The following RAD54L2 variants were observed in gnomAD, a reference collection of about 807,000 sequenced individuals.
RAD54L2 encodes RAD54 like 2.
A neutral mutation model predicts 138.4 loss-of-function variants in RAD54L2; 27 were observed. The ratio of observed to expected loss-of-function variants is 0.20; its 90% CI spans 0.14 to 0.27. The LOEUF (loss-of-function observed/expected upper bound fraction) is 0.27. RAD54L2 is among the 10% of genes least tolerant of loss of function. The pLI is 1.00. For missense variants in RAD54L2, 1,396 were observed against 1,890.2 expected, an observed-to-expected ratio of 0.74 and a Z score of 4.85; for synonymous variants, 644 against 723.2, an observed-to-expected ratio of 0.89 and a Z score of 1.76.
At chr3:51,615,673 G>A in intron 3 of RAD54L2, among the ~76,000 whole-genome samples, 1 of 152,128 alleles carries the variant, frequency 6.6e-6, no homozygotes, top group East Asian at 1.9e-4. Context: ...ACTAAAATTG[G>A]TAAGATCTTG....
chr3:51,568,815 T>A (rs756293558), intron 2 of RAD54L2, among the ~76,000 whole-genome samples: 3 of 152,188 alleles, frequency 2.0e-5, no homozygotes, highest in Non-Finnish European at 4.4e-5. Context: ...TAGTGCTATC[T>A]TTCATTTTTG....
intron 3 of RAD54L2, among the ~76,000 whole-genome samples, chr3:51,603,976 G>A (rs1191672066): frequency 6.6e-6 from 1 of 152,170 alleles, no homozygotes; most frequent in Admixed American, 6.5e-5. Flanking sequence ...GCCTGTATGG[G>A]GGATAAGGGA....
At chr3:51,633,867 A>T in intron 8 of RAD54L2, 35 bp from the exon 9 acceptor site, 2 of 1,608,532 alleles carry the variant, frequency 1.2e-6, no homozygotes, top group Non-Finnish European at 8.5e-7. Context: ...AGTTTGTTCC[A>T]TAAAACTCTC....
chr3:51,640,409 T>A (rs910307297), intron 14 of RAD54L2, among the ~76,000 whole-genome samples: 1 of 152,210 alleles, frequency 6.6e-6, no homozygotes, highest in Non-Finnish European at 1.5e-5. Context: ...GCCCCAACCT[T>A]TTATTTTAGT....
At chr3:51,649,026 A>C (rs1406096588) in intron 19 of RAD54L2, among the ~76,000 whole-genome samples, 1 of 152,170 alleles carries the variant, frequency 6.6e-6, no homozygotes, top group Non-Finnish European at 1.5e-5. Flanking sequence ...AGGATGTTCA[A>C]ACCCATTGCA....
chr3:51,646,318 C>T lies in RAD54L2; in HGVS notation c.2863C>T (p.Arg955Ter). The change falls in exon 19 of 23, where the codon CGA becomes TGA. Residue 955 changes from arginine (R) to a stop codon, truncating the protein, a stop_gained. Coordinates refer to ENST00000684192, the MANE Select transcript of RAD54L2 (RefSeq NM_015106.4). LOFTEE classifies it high-confidence loss of function. ...PFEHESLLLN[R>*]KDHKLTKAEK... is the part of the protein sequence containing the mutation. ...CGAGCATGAGTCATTGCTCTTGAAC[C>T]GAAAGGATCACAAGCTAACCAAGGC... 1 of 1,600,308 alleles carries T rather than the reference C, an allele frequency of 6.2e-7. No individual in the cohort carries two copies. The highest frequency in any genetic ancestry group is 8.5e-7 in the Non-Finnish European group (1 of 1,173,728).
chr3:51,637,605 C>T lies in RAD54L2; in HGVS notation c.1682+102C>T, dbSNP rs1052675101. On this transcript the variant is annotated intron_variant, in intron 11 of 22. Transcript: ENST00000684192. The surrounding 1 kb of genome is among the most constrained non-coding windows in gnomAD (Gnocchi z 5.9). ...AGGATAGGGTGTTGGAGTAGGAGGG[C>T]CCCTTCCCTGGGGCAGTAGTAAAAC... The T allele has an allele frequency of 8.4e-7, 1 of 1,183,922 alleles. No individual in the cohort carries two copies. The highest frequency in any genetic ancestry group is 1.2e-6 in the Non-Finnish European group (1 of 861,188). 73.3% of individuals were successfully genotyped at this position (1,183,922 alleles called of 1,614,324 possible). A position where few individuals can be genotyped will look rare whatever the true frequency, so the allele number is the denominator to read the frequency against.
At chr3:51,617,705 GTC>G (rs1251708548) in intron 3 of RAD54L2, among the ~76,000 whole-genome samples, 1 of 152,072 alleles carries the variant, frequency 6.6e-6, no homozygotes, top group Non-Finnish European at 1.5e-5. Context: ...GTGAGACCCT[GTC>G]TCTACAAAAA....
At chr3:51,586,846 G>A (rs890522475) in intron 2 of RAD54L2, among the ~76,000 whole-genome samples, 1 of 151,624 alleles carries the variant, frequency 6.6e-6, no homozygotes, top group African/African-American at 2.4e-5. Context: ...TGGGATTACA[G>A]ATGTGAGCCA....
rs1406094113 is a variant in RAD54L2 at position 51,648,381 on chromosome 3, C to T, written c.3026+1900C>T. Among the ~76,000 whole-genome samples the T allele has an allele frequency of 2.0e-5, 3 of 152,352 alleles. No individual in the cohort carries two copies. In the East Asian group the frequency reaches 5.8e-4, roughly 29 times the overall value. On this transcript the variant is annotated intron_variant, in intron 19 of 22. Coordinates refer to ENST00000684192, the MANE Select transcript of RAD54L2 (RefSeq NM_015106.4). ...CCTCTGGGGGCAGGGCATAGCTGAACAAAAGGCAGCAGAAACTTCTGCAGA... is the reference window on the plus strand; with the variant it reads ...CCTCTGGGGGCAGGGCATAGCTGAATAAAAGGCAGCAGAAACTTCTGCAGA...
At chr3:51,660,187 T>A in intron 22 of RAD54L2, 69 bp downstream of exon 22, 2 of 1,269,466 alleles carry the variant, frequency 1.6e-6, no homozygotes, top group African/African-American at 1.5e-5. Context: ...GGTTAGGTAT[T>A]AACTTATTAT....
intron 2 of RAD54L2, among the ~76,000 whole-genome samples, chr3:51,587,584 C>T (rs1388694742): frequency 2.0e-5 from 3 of 152,124 alleles, no homozygotes; most frequent in Non-Finnish European, 4.4e-5. Context: ...TAGATCATTT[C>T]ACAGCTGTTT....
Position 51,631,008 on chromosome 3 carries a change from G to A in RAD54L2, c.825+77G>A, listed in dbSNP as rs1401440044. ...GAACATTGCCTGCTGGTGGTTATTA[G>A]CGTCACAGCCTGTGAAGTACTTGTT... On this transcript the variant is annotated intron_variant, in intron 7 of 22. Transcript: ENST00000684192. 4 of 1,403,398 alleles carry A rather than the reference G, an allele frequency of 2.9e-6. No individual in the cohort carries two copies. In the East Asian group the frequency reaches 9.3e-5, roughly 33 times the overall value. The allele number at this position is 1,403,398 out of a possible 1,614,324, so 86.9% of individuals were successfully genotyped here. A position where few individuals can be genotyped will look rare whatever the true frequency, so the allele number is the denominator to read the frequency against.
At chr3:51,653,222 C>T (rs988422004) in intron 19 of RAD54L2, among the ~76,000 whole-genome samples, 5 of 152,084 alleles carry the variant, frequency 3.3e-5, no homozygotes, top group Non-Finnish European at 5.9e-5. Context: ...AAATCAAAAC[C>T]GCAATGAGAT....
chr3:51,644,906 T>C (rs1021290367), intron 16 of RAD54L2, 118 bp from the exon 17 acceptor site: 5 of 974,572 alleles, frequency 5.1e-6, no homozygotes, highest in Middle Eastern at 3.3e-4. Context: ...TCCTTGAGTA[T>C]GTTGTACTTA....
At chr3:51,586,694 G>A (rs997994208) in intron 2 of RAD54L2, among the ~76,000 whole-genome samples, 2 of 151,206 alleles carry the variant, frequency 1.3e-5, no homozygotes, top group Non-Finnish European at 2.9e-5. Flanking sequence ...TCAGCGTCCC[G>A]AGTAGCTGGG....
At chr3:51,604,322 A>G (rs1221672631) in intron 3 of RAD54L2, among the ~76,000 whole-genome samples, 4 of 152,180 alleles carry the variant, frequency 2.6e-5, no homozygotes, top group Non-Finnish European at 5.9e-5. Context: ...ATAGGGGTCA[A>G]GGTTCATCCC....
chr3:51,635,733 C>G lies in RAD54L2; in HGVS notation c.1283C>G (p.Ser428Cys). 2 of 1,613,724 alleles carry G rather than the reference C, an allele frequency of 1.2e-6. No homozygotes were observed. Among genetic ancestry groups the G allele is most frequent in the Non-Finnish European group, 1.7e-6 (2 of 1,179,798 alleles). Residue 428 changes from serine (S) to cysteine (C), a missense_variant, in exon 10 of 23, where the codon TCT becomes TGT. By Grantham distance (112) the Ser-to-Cys change is moderately radical (BLOSUM62 -1). Transcript: ENST00000684192. ...TGRPKKTKKR[S>C]HPVIIDLDEE... The stretch of plus-strand genomic sequence containing the variant: ...AGACCGAAGAAAACCAAGAAGCGTT[C>G]TCACCCAGTCATCATTGATCTAGAT...
intron 2 of RAD54L2, among the ~76,000 whole-genome samples, chr3:51,549,382 A>G (rs1399788184): frequency 2.0e-5 from 3 of 152,212 alleles, no homozygotes; most frequent in African/African-American, 7.2e-5. Context: ...GTCAGGAGAC[A>G]AATCCAGAGC....
Sources: gnomAD v4.1 joint callset for allele counts (sites outside exome capture counted in the v4.1 genomes callset) on GRCh38, gnomAD v4.1.1 for gene constraint, Gnocchi (gnomAD v3.1) non-coding constraint, MANE v1.5 for transcripts, NCBI Gene and HGNC (gene_info 2026-07-23, HGNC 2026-07-21) for gene names.